FCHSD2: variants seen among roughly 807,000 people sequenced by gnomAD.
FCHSD2 encodes the protein F-BAR and double SH3 domains protein 2.
FCHSD2 carries 38 observed loss-of-function variants against 108.1 expected under a neutral mutation model. That is an observed-to-expected ratio of 0.35 (90% CI 0.27 to 0.46). The LOEUF is 0.46. Among genes scored for constraint, FCHSD2 ranks in the 20% least tolerant of loss-of-function variants. The pLI, the probability that FCHSD2 is intolerant of heterozygous loss-of-function variation, is 1.00. For synonymous variants in FCHSD2, 279 were observed against 314.7 expected (o/e 0.89, Z 1.20); for missense variants, 751 against 897.8 (o/e 0.84, Z 2.09).
intron 8 of FCHSD2, among the ~76,000 whole-genome samples, chr11:72,967,708 C>T (rs956163526): frequency 6.6e-5 from 10 of 152,056 alleles, no homozygotes; most frequent in African/African-American, 2.4e-4. Context: ...GTTGTACAAC[C>T]TAGTAAATAT....
chr11:73,115,182 G>C (rs1302470552), intron 2 of FCHSD2, among the ~76,000 whole-genome samples: 1 of 152,168 alleles, frequency 6.6e-6, no homozygotes, highest in Non-Finnish European at 1.5e-5. Context: ...GTTTAGCCCA[G>C]TTTTGCTTTC....
At chr11:72,904,030 G>T (rs564615732) in intron 9 of FCHSD2, among the ~76,000 whole-genome samples, 1 of 152,256 alleles carries the variant, frequency 6.6e-6, no homozygotes, top group African/African-American at 2.4e-5. Context: ...GGAACTGGGC[G>T]AACCAAACAG....
intron 3 of FCHSD2, among the ~76,000 whole-genome samples, chr11:73,073,948 G>A (rs1211620206): frequency 6.6e-6 from 1 of 151,902 alleles, no homozygotes; most frequent in East Asian, 1.9e-4. Flanking sequence ...AAAATATCAG[G>A]CAGCATATGG....
intron 8 of FCHSD2, among the ~76,000 whole-genome samples, chr11:72,931,860 G>A (rs757059634): frequency 6.6e-6 from 1 of 152,178 alleles, no homozygotes; most frequent in African/African-American, 2.4e-5. Flanking sequence ...AGGGCTATGC[G>A]TATATTCTTC....
At chr11:73,119,439 T>C (rs1466374310) in intron 2 of FCHSD2, among the ~76,000 whole-genome samples, 3 of 152,024 alleles carry the variant, frequency 2.0e-5, no homozygotes, top group Non-Finnish European at 4.4e-5. Flanking sequence ...TTCAGAGAGG[T>C]GTGTTAAAAT....
chr11:72,865,877 T>C (rs963399145), intron 13 of FCHSD2, among the ~76,000 whole-genome samples: 4 of 152,196 alleles, frequency 2.6e-5, no homozygotes, highest in Non-Finnish European at 4.4e-5. Flanking sequence ...AGTCCAGTCA[T>C]ACACTGCCAT....
intron 3 of FCHSD2, among the ~76,000 whole-genome samples, chr11:73,066,839 G>A (rs1565394056): frequency 6.6e-6 from 1 of 152,154 alleles, no homozygotes; most frequent in Non-Finnish European, 1.5e-5. Context: ...AACAACAGAT[G>A]CTGGAGAGGA....
intron 8 of FCHSD2, among the ~76,000 whole-genome samples, chr11:72,967,777 T>G (rs1392782657): frequency 6.6e-6 from 1 of 152,148 alleles, no homozygotes; most frequent in Admixed American, 6.5e-5. Context: ...GTGAATTATA[T>G]CTAATTTTTT....
intron 8 of FCHSD2, among the ~76,000 whole-genome samples, chr11:72,946,182 G>A (rs1041769042): frequency 1.1e-4 from 16 of 152,106 alleles, no homozygotes; most frequent in African/African-American, 3.6e-4. Context: ...TTAAGAAAAT[G>A]TGGCACATAT....
intron 8 of FCHSD2, among the ~76,000 whole-genome samples, chr11:72,957,178 C>A (rs1415787471): frequency 2.0e-5 from 2 of 102,458 alleles, no homozygotes; most frequent in Non-Finnish European, 3.7e-5. Flanking sequence ...TGCTATCCCT[C>A]CCCCCTCCCC....
intron 8 of FCHSD2, among the ~76,000 whole-genome samples, chr11:72,952,153 T>C (rs1385032049): frequency 1.3e-5 from 2 of 152,200 alleles, no homozygotes; most frequent in Non-Finnish European, 2.9e-5. Flanking sequence ...CTTTAACTTA[T>C]ATTGGTCTTG....
intron 3 of FCHSD2, among the ~76,000 whole-genome samples, chr11:73,019,223 CAGAATG>C (rs2135437245): frequency 6.6e-6 from 1 of 152,224 alleles, no homozygotes; most frequent in South Asian, 2.1e-4. Context: ...AGACAGAAAG[CAGAATG>C]ACAGCACTCT....
At chr11:72,910,884 C>T (rs1170045846) in intron 9 of FCHSD2, among the ~76,000 whole-genome samples, 1 of 145,184 alleles carries the variant, frequency 6.9e-6, no homozygotes, top group Non-Finnish European at 1.5e-5. Flanking sequence ...CTTATATATT[C>T]TCATTATTAA....
rs540436049 is a variant in FCHSD2 at position 72,863,493 on chromosome 11, T to C, written c.1308+4372A>G. Among the ~76,000 whole-genome samples, 350 of 152,090 alleles carry C rather than the reference T, an allele frequency of 2.3e-3. 3 individuals are homozygous for C. Among genetic ancestry groups the C allele is most frequent in the Non-Finnish European group, 3.7e-3 (250 of 67,982 alleles). On this transcript the variant is annotated intron_variant, in intron 13 of 19. Transcript: ENST00000409418. ...AAAAATATGATCCATAAAAGAAAAA[T>C]TGGTAGGTTGGACTTCATTAAAATT...
At chr11:72,907,466 G>C (rs1239278922) in intron 9 of FCHSD2, among the ~76,000 whole-genome samples, 1 of 148,538 alleles carries the variant, frequency 6.7e-6, no homozygotes, top group South Asian at 2.1e-4. Flanking sequence ...TATTGGCTGT[G>C]AGTCTGTCAT....
chr11:72,907,958 T>C (rs1855670271), intron 9 of FCHSD2, among the ~76,000 whole-genome samples: 2 of 152,216 alleles, frequency 1.3e-5, no homozygotes, highest in African/African-American at 4.8e-5. Flanking sequence ...TGTCATCGAA[T>C]ATAGATCTTA....
At chr11:72,869,870 T>C (rs890790396) in intron 12 of FCHSD2, among the ~76,000 whole-genome samples, 1 of 152,208 alleles carries the variant, frequency 6.6e-6, no homozygotes, top group Non-Finnish European at 1.5e-5. Context: ...GACCTCATCA[T>C]GTTGCTCCCC....
At chr11:73,041,592 TTTG>T (rs140940361) in intron 3 of FCHSD2, among the ~76,000 whole-genome samples, 229 of 147,418 alleles carry the variant, frequency 1.6e-3, no homozygotes, top group African/African-American at 6.0e-3. Context: ...ATGGAGTTTT[TTTG>T]TTTGTTTGTT....
chr11:73,059,208 CAG>C lies in FCHSD2; in HGVS notation c.165+24485_165+24486del, dbSNP rs1472443844. Among the ~76,000 whole-genome samples the C allele has an allele frequency of 2.6e-5, 4 of 151,902 alleles. No homozygotes were observed. In the East Asian group the frequency reaches 5.8e-4, roughly 22 times the overall value. On this transcript the variant is annotated intron_variant, in intron 3 of 19. Coordinates refer to ENST00000409418, the MANE Select transcript of FCHSD2 (RefSeq NM_014824.3). The stretch of plus-strand genomic sequence containing the variant: ...ATGAAAGCAAAATGATTTCAAAATA[CAG>C]AGTCTATTGACAATGGCTGAAGACT...
Sources: allele counts gnomAD v4.1 joint callset (sites outside exome capture counted in the v4.1 genomes callset), GRCh38; gene constraint gnomAD v4.1.1; transcripts MANE v1.5; gene names NCBI Gene and HGNC (gene_info 2026-07-23, HGNC 2026-07-21).